MBNL2: variants seen among roughly 807,000 people sequenced by gnomAD.
MBNL2 encodes the protein muscleblind-like protein 2.
A neutral mutation model predicts 41.9 loss-of-function variants in MBNL2; 17 were observed. The ratio of observed to expected loss-of-function variants is 0.41; its 90% CI spans 0.28 to 0.61. The LOEUF (loss-of-function observed/expected upper bound fraction) is 0.61, where lower values mean the gene tolerates loss of function less well. Ranked by LOEUF, MBNL2 falls within the 20% of genes least tolerant of loss-of-function variation. The pLI is 0.35. For missense variants in MBNL2, 336 were observed against 505.6 expected (o/e 0.66, Z 3.22); for synonymous variants, 195 against 182.9 (o/e 1.07, Z -0.53).
chr13:97,248,282 C>T (rs1378368356), intron 1 of MBNL2, among the ~76,000 whole-genome samples: 6 of 152,148 alleles, frequency 3.9e-5, no homozygotes, highest in Non-Finnish European at 5.9e-5. Context: ...CCACCACAAC[C>T]AGTTAATTTT....
chr13:97,221,183 C>G (rs1465934360), upstream of MBNL2, among the ~76,000 whole-genome samples: 1 of 152,148 alleles, frequency 6.6e-6, no homozygotes, highest in Non-Finnish European at 1.5e-5. Context: ...AAAAATCGTG[C>G]ATTGGGTTCA....
rs1033240455 is a variant in MBNL2 at position 97,392,296 on chromosome 13, TGAG to T, written c.*851_*853del. 5.9e-5 allele frequency: 9 copies of T among 152,556 alleles called. No individual in the cohort carries two copies. The highest frequency in any genetic ancestry group is 1.2e-4 in the African/African-American group (5 of 41,440). The allele number at this position is 152,556 out of a possible 1,614,324, so 9.5% of individuals were successfully genotyped here. On this transcript the variant is annotated 3_prime_UTR_variant, in exon 9 of 9. Coordinates refer to ENST00000679496, the MANE Select transcript of MBNL2 (RefSeq NM_001382683.1). ...CCTAGTCAAACAAGGAAGCTGTAGG[TGAG>T]GAGATCTGTATAATATTCTAATTTA... is the stretch of plus-strand genomic sequence containing the variant.
At chr13:97,290,473 A>C (rs191143219) in intron 2 of MBNL2, among the ~76,000 whole-genome samples, 1 of 151,772 alleles carries the variant, frequency 6.6e-6, no homozygotes, top group Non-Finnish European at 1.5e-5. Flanking sequence ...TCAGGAGATC[A>C]AGACCATCCT....
chr13:97,180,740 T>TAAAA, the MBNL2 span, among the ~76,000 whole-genome samples: 3 of 86,002 alleles, frequency 3.5e-5, no homozygotes, highest in Non-Finnish European at 6.8e-5. Flanking sequence ...AGACTCCATC[T>TAAAA]AAAAAAAAAA....
chr13:97,328,276 T>A (rs2060083070), intron 2 of MBNL2, among the ~76,000 whole-genome samples: 1 of 149,886 alleles, frequency 6.7e-6, no homozygotes, highest in Non-Finnish European at 1.5e-5. Flanking sequence ...TGTCTTGACC[T>A]CGGGATTTCA....
intron 1 of MBNL2, among the ~76,000 whole-genome samples, chr13:97,243,749 A>G (rs1206172183): frequency 6.6e-6 from 1 of 152,214 alleles, no homozygotes; most frequent in East Asian, 1.9e-4. Flanking sequence ...GGAAAAAACA[A>G]CAAACGAATT....
At chr13:97,169,876 T>C in the MBNL2 span, among the ~76,000 whole-genome samples, 8 of 152,214 alleles carry the variant, frequency 5.3e-5, no homozygotes, top group East Asian at 1.5e-3. Flanking sequence ...CCCTTCGTCA[T>C]GGAACTCACA....
At chr13:97,167,588 C>G in the MBNL2 span, among the ~76,000 whole-genome samples, 3 of 152,028 alleles carry the variant, frequency 2.0e-5, no homozygotes, top group African/African-American at 7.2e-5. Flanking sequence ...TTATATTTTC[C>G]TTTTTAAATA....
chr13:97,319,555 A>G (rs1467761512), intron 2 of MBNL2, among the ~76,000 whole-genome samples: 1 of 152,064 alleles, frequency 6.6e-6, no homozygotes, highest in Non-Finnish European at 1.5e-5. Flanking sequence ...CACGGGTGAG[A>G]CTCTGCCAAT....
intron 2 of MBNL2, among the ~76,000 whole-genome samples, chr13:97,317,509 G>A (rs547939161): frequency 1.6e-4 from 24 of 152,334 alleles, no homozygotes; most frequent in African/African-American, 5.1e-4. Context: ...CATAAGCAAA[G>A]CATTGATATG....
At position 97,232,890 on chromosome 13, in the gene MBNL2, T is replaced by TGTGTGTGTGTGTGC. The variant is rs1491513676; in HGVS notation, c.-605+10360_-605+10361insTGTGTGTGTGTGCG. ...GTGTGTGTGTGTGTGTGTGTGTGTG[T>TGTGTGTGTGTGTGC]GCGCACGTACACTGAATGAACTTAA... On this transcript the variant is annotated intron_variant, in intron 1 of 8. Transcript: ENST00000679496. 2.2e-4 allele frequency among the ~76,000 whole-genome samples: 30 copies of TGTGTGTGTGTGTGC among 134,566 alleles called. 1 individual carries two copies. In the East Asian group the frequency reaches 3.2e-3, roughly 14 times the overall value. The allele number at this position is 134,566 out of a possible 152,430, so 88.3% of individuals were successfully genotyped here. A position where few individuals can be genotyped will look rare whatever the true frequency, so the allele number is the denominator to read the frequency against.
intron 1 of MBNL2, among the ~76,000 whole-genome samples, chr13:97,269,395 T>C (rs768738386): frequency 3.9e-4 from 60 of 152,100 alleles, no homozygotes; most frequent in Non-Finnish European, 6.5e-4. Flanking sequence ...TTTCCTAATT[T>C]CCAAAATTGT....
At chr13:97,182,336 G>A in the MBNL2 span, among the ~76,000 whole-genome samples, 1 of 152,218 alleles carries the variant, frequency 6.6e-6, no homozygotes, top group Non-Finnish European at 1.5e-5. Context: ...TAAATATTCA[G>A]TTAGCACTGG....
the MBNL2 span, among the ~76,000 whole-genome samples, chr13:97,215,292 C>G: frequency 6.6e-6 from 1 of 152,198 alleles, no homozygotes; most frequent in Non-Finnish European, 1.5e-5. Context: ...AAACCATGCT[C>G]TCAGGCACCC....
intron 3 of MBNL2, among the ~76,000 whole-genome samples, chr13:97,336,146 T>C (rs1003566977): frequency 3.9e-5 from 6 of 152,262 alleles, no homozygotes; most frequent in Admixed American, 3.3e-4. Flanking sequence ...TTGAAAGTTA[T>C]GGTTATTATT....
At chr13:97,167,223 A>G in the MBNL2 span, among the ~76,000 whole-genome samples, 13 of 152,180 alleles carry the variant, frequency 8.5e-5, no homozygotes, top group African/African-American at 3.1e-4. Flanking sequence ...CAAAACCAAA[A>G]TAGCAAAATA....
chr13:97,379,137 G>C (rs1206911150), intron 8 of MBNL2, among the ~76,000 whole-genome samples: 1 of 152,198 alleles, frequency 6.6e-6, no homozygotes, highest in Admixed American at 6.5e-5. Flanking sequence ...GCTTTGAAAA[G>C]TTTTGACTAG....
At chr13:97,277,773 A>C (rs1177543151) in intron 2 of MBNL2, among the ~76,000 whole-genome samples, 2 of 152,238 alleles carry the variant, frequency 1.3e-5, no homozygotes, top group African/African-American at 4.8e-5. Flanking sequence ...AAGGTTTATT[A>C]GACTAGACTT....
chr13:97,196,107 C>T, the MBNL2 span, among the ~76,000 whole-genome samples: 5 of 152,170 alleles, frequency 3.3e-5, no homozygotes, highest in African/African-American at 1.2e-4. Context: ...CCCTTTTGTG[C>T]CCTCCAAGGT....
Sources: allele counts gnomAD v4.1 joint callset (sites outside exome capture counted in the v4.1 genomes callset), GRCh38; gene constraint gnomAD v4.1.1; transcripts MANE v1.5; gene names NCBI Gene and HGNC (gene_info 2026-07-23, HGNC 2026-07-21).